LRMDA: variants seen among roughly 807,000 people sequenced by gnomAD.
LRMDA encodes the protein leucine-rich melanocyte differentiation-associated protein.
Under a neutral mutation model 29.8 loss-of-function variants are expected in LRMDA, and 18 were observed. The ratio of observed to expected loss-of-function variants is 0.60; its 90% confidence interval spans 0.42 to 0.90. The LOEUF (loss-of-function observed/expected upper bound fraction) is 0.90. Among genes scored for constraint, LRMDA ranks in the 40% least tolerant of loss-of-function variants. The pLI, the probability that LRMDA is intolerant of heterozygous loss-of-function variation, is 0.00. For missense variants in LRMDA, 273 were observed against 273.9 expected (o/e 1.00, Z 0.02); for synonymous variants, 125 against 109.4 (o/e 1.14, Z -0.89).
chr10:75,648,818 G>A (rs151007717), intron 2 of LRMDA, among the ~76,000 whole-genome samples: 294 of 152,212 alleles, frequency 1.9e-3, no homozygotes, highest in South Asian at 7.9e-3. Flanking sequence ...AGGACTCCCT[G>A]GTGCTCTGTC....
chr10:75,626,397 G>A (rs1048646047), intron 2 of LRMDA, among the ~76,000 whole-genome samples: 1 of 152,162 alleles, frequency 6.6e-6, no homozygotes, highest in Non-Finnish European at 1.5e-5. Context: ...AAATAAATGT[G>A]CTCTAGCAGA....
At chr10:75,774,145 G>T (rs566997567) in intron 2 of LRMDA, among the ~76,000 whole-genome samples, 20 of 152,278 alleles carry the variant, frequency 1.3e-4, no homozygotes, top group Non-Finnish European at 2.8e-4. Flanking sequence ...AATAGTTTAA[G>T]GAGACAGCAC....
At chr10:75,538,935 G>C (rs1839984003) in intron 2 of LRMDA, among the ~76,000 whole-genome samples, 1 of 152,170 alleles carries the variant, frequency 6.6e-6, no homozygotes, top group Admixed American at 6.5e-5. Flanking sequence ...AGTGGTACAG[G>C]TTGCATGTTC....
At chr10:75,728,278 A>G (rs1333378628) in intron 2 of LRMDA, among the ~76,000 whole-genome samples, 4 of 152,210 alleles carry the variant, frequency 2.6e-5, no homozygotes, top group Non-Finnish European at 5.9e-5. Context: ...TCCCCAAATA[A>G]CAATAACCCA....
intron 6 of LRMDA, among the ~76,000 whole-genome samples, chr10:76,523,519 A>G (rs1379633531): frequency 6.6e-6 from 1 of 150,696 alleles, no homozygotes; most frequent in Non-Finnish European, 1.5e-5. Context: ...CACAGCTCCA[A>G]GTTCCTCTAG....
intron 2 of LRMDA, among the ~76,000 whole-genome samples, chr10:75,879,294 G>A (rs1019103275): frequency 1.3e-5 from 2 of 152,202 alleles, no homozygotes; most frequent in African/African-American, 4.8e-5. Context: ...TCAATTGGCT[G>A]CTGCAGAATT....
chr10:76,310,594 C>T (rs1187193233), intron 5 of LRMDA, among the ~76,000 whole-genome samples: 2 of 152,122 alleles, frequency 1.3e-5, no homozygotes, highest in African/African-American at 2.4e-5. Context: ...GCTGCTGTAT[C>T]TGTGATGCAG....
At chr10:75,837,245 G>T (rs186183615) in intron 2 of LRMDA, among the ~76,000 whole-genome samples, 134 of 152,226 alleles carry the variant, frequency 8.8e-4, no homozygotes, top group African/African-American at 3.1e-3. Flanking sequence ...ATTAGGTGGG[G>T]TTAAATTTTG....
intron 2 of LRMDA, among the ~76,000 whole-genome samples, chr10:75,898,633 G>C (rs1003673501): frequency 1.2e-4 from 18 of 152,096 alleles, no homozygotes; most frequent in African/African-American, 4.3e-4. Flanking sequence ...CACATTTTGG[G>C]GAATTTCTCA....
intron 2 of LRMDA, among the ~76,000 whole-genome samples, chr10:75,783,871 C>A (rs1476204462): frequency 6.6e-6 from 1 of 152,164 alleles, no homozygotes; most frequent in Non-Finnish European, 1.5e-5. Context: ...TAAGGATATG[C>A]CCTCATGGTC....
At chr10:75,501,459 A>G (rs1845112477) in intron 2 of LRMDA, among the ~76,000 whole-genome samples, 1 of 152,166 alleles carries the variant, frequency 6.6e-6, no homozygotes, top group African/African-American at 2.4e-5. Context: ...CATCCTGTCT[A>G]TTGAAAGAGA....
intron 5 of LRMDA, among the ~76,000 whole-genome samples, chr10:76,197,888 C>T (rs1226208964): frequency 2.0e-5 from 3 of 151,940 alleles, no homozygotes; most frequent in African/African-American, 4.8e-5. Flanking sequence ...CCACCACACT[C>T]CAGCCTGGGC....
chr10:76,395,579 C>A (rs1163984536), intron 6 of LRMDA, among the ~76,000 whole-genome samples: 2 of 152,208 alleles, frequency 1.3e-5, no homozygotes, highest in Admixed American at 1.3e-4. Flanking sequence ...GCCTCCACAC[C>A]ACATGAATTA....
intron 5 of LRMDA, among the ~76,000 whole-genome samples, chr10:76,190,977 C>T (rs1224530502): frequency 2.0e-5 from 3 of 152,112 alleles, no homozygotes; most frequent in Non-Finnish European, 2.9e-5. Flanking sequence ...TATGTAACCC[C>T]GAGCGGCTTT....
intron 2 of LRMDA, among the ~76,000 whole-genome samples, chr10:75,449,089 T>G (rs542894271): frequency 6.6e-6 from 1 of 150,818 alleles, no homozygotes; most frequent in South Asian, 2.1e-4. Context: ...GAGGCGGAAG[T>G]TGCAGTGAGC....
intron 2 of LRMDA, among the ~76,000 whole-genome samples, chr10:75,799,680 TTG>T (rs57575125): frequency 0.27 from 36,196 of 135,826 alleles, 4,582 homozygotes; most frequent in Admixed American, 0.32. Flanking sequence ...ATTCCTAGCT[TTG>T]TGTGTGTGTG....
intron 2 of LRMDA, among the ~76,000 whole-genome samples, chr10:75,547,526 C>A (rs1360877360): frequency 6.6e-6 from 1 of 152,218 alleles, no homozygotes; most frequent in African/African-American, 2.4e-5. Flanking sequence ...ACTGTGGCCA[C>A]AATAAGTGCT....
intron 6 of LRMDA, among the ~76,000 whole-genome samples, chr10:76,368,860 C>T (rs1204542952): frequency 1.3e-5 from 2 of 152,124 alleles, no homozygotes; most frequent in East Asian, 1.9e-4. Context: ...TACTGTTCCT[C>T]TTTGTCTCTT....
chr10:75,679,274 G>A (rs1286238911), intron 2 of LRMDA, among the ~76,000 whole-genome samples: 3 of 151,972 alleles, frequency 2.0e-5, no homozygotes, highest in Admixed American at 6.6e-5. Flanking sequence ...GATCATATAC[G>A]TTGTGCTAGG....
Sources: gnomAD v4.1 joint callset for allele counts (sites outside exome capture counted in the v4.1 genomes callset) on GRCh38, gnomAD v4.1.1 for gene constraint, MANE v1.5 for transcripts, NCBI Gene and HGNC (gene_info 2026-07-23, HGNC 2026-07-21) for gene names.